PIGK: variants seen among roughly 807,000 people sequenced by gnomAD.
PIGK encodes phosphatidylinositol glycan anchor biosynthesis class K, also known as GPI-anchor transamidase.
A neutral mutation model predicts 50.6 loss-of-function variants in PIGK; 42 were observed. That is an observed-to-expected ratio of 0.83 (90% CI 0.65 to 1.07). PIGK has a LOEUF of 1.07. PIGK is among the 50% of genes least tolerant of loss of function. The pLI is 0.00. For missense variants in PIGK, 448 were observed against 488.7 expected (o/e 0.92, Z 0.78); for synonymous variants, 151 against 156.0 (o/e 0.97, Z 0.24).
At chr1:77,188,611 G>A (rs1168214975) in intron 3 of PIGK, among the ~76,000 whole-genome samples, 7 of 152,070 alleles carry the variant, frequency 4.6e-5, no homozygotes, top group African/African-American at 7.2e-5. Flanking sequence ...ACCCTGTTAA[G>A]TACTTGATGT....
intron 3 of PIGK, among the ~76,000 whole-genome samples, chr1:77,190,612 A>AT (rs1465033665): frequency 1.3e-5 from 2 of 152,232 alleles, no homozygotes; most frequent in African/African-American, 2.4e-5. Context: ...ACTAGAGCAT[A>AT]TAATTTCACC....
chr1:77,172,389 G>A (rs1214863578), intron 3 of PIGK, among the ~76,000 whole-genome samples: 1 of 152,028 alleles, frequency 6.6e-6, no homozygotes, highest in Non-Finnish European at 1.5e-5. Flanking sequence ...ACCTCACTTC[G>A]CTTTTTTTGT....
chr1:77,175,801 T>C (rs1335485898), intron 3 of PIGK, among the ~76,000 whole-genome samples: 1 of 152,176 alleles, frequency 6.6e-6, no homozygotes, highest in Non-Finnish European at 1.5e-5. Context: ...AGGTTTTTCT[T>C]AGAGCACTGA....
chr1:77,162,857 G>A (rs531469547), intron 6 of PIGK, among the ~76,000 whole-genome samples: 6 of 152,264 alleles, frequency 3.9e-5, no homozygotes, highest in African/African-American at 1.4e-4. Flanking sequence ...AGAGGTTGTG[G>A]AGTAAACAAG....
At chr1:77,148,165 A>T (rs1654812806) in intron 9 of PIGK, among the ~76,000 whole-genome samples, 1 of 152,152 alleles carries the variant, frequency 6.6e-6, no homozygotes, top group Admixed American at 6.5e-5. Flanking sequence ...GTTTTTTATG[A>T]TATCTGATCT....
intron 10 of PIGK, among the ~76,000 whole-genome samples, chr1:77,093,284 C>A (rs967556510): frequency 6.6e-6 from 1 of 152,026 alleles, no homozygotes; most frequent in Non-Finnish European, 1.5e-5. Flanking sequence ...TTCCCCACCC[C>A]ACAAGTGTCA....
At chr1:77,172,368 C>T (rs945517248) in intron 3 of PIGK, among the ~76,000 whole-genome samples, 2 of 152,154 alleles carry the variant, frequency 1.3e-5, no homozygotes, top group Non-Finnish European at 2.9e-5. Flanking sequence ...TATCTCACTT[C>T]CAATTTCTGT....
At chr1:77,139,260 C>T (rs1654590226) in intron 9 of PIGK, among the ~76,000 whole-genome samples, 1 of 151,760 alleles carries the variant, frequency 6.6e-6, no homozygotes, top group South Asian at 2.1e-4. Context: ...TACTGTTGAG[C>T]AAAGTGGAGC....
At chr1:77,111,752 T>C (rs570803691) in intron 10 of PIGK, among the ~76,000 whole-genome samples, 23 of 152,240 alleles carry the variant, frequency 1.5e-4, no homozygotes, top group African/African-American at 5.5e-4. Context: ...GAACTTAAAG[T>C]ATAATAATAA....
Position 77,090,108 on chromosome 1 carries a change from A to G in PIGK, c.*2266T>C, listed in dbSNP as rs926167821. 1 of 152,244 alleles carries G rather than the reference A, an allele frequency of 6.6e-6. No individual in the cohort carries two copies. The highest frequency in any genetic ancestry group is 2.4e-5 in the African/African-American group (1 of 41,472). The allele number at this position is 152,244 out of a possible 1,614,324, so 9.4% of individuals were successfully genotyped here. On this transcript the variant is annotated 3_prime_UTR_variant, in exon 11 of 11. Transcript: ENST00000370812. Reference sequence around the variant, plus strand: ...TATATTTACAATTTCAGAAGTGTTTAGTCAAAATACTATCTCATCTGATTC... The same window carrying G: ...TATATTTACAATTTCAGAAGTGTTTGGTCAAAATACTATCTCATCTGATTC...
chr1:77,191,325 T>C (rs2100576080), intron 3 of PIGK, among the ~76,000 whole-genome samples: 1 of 152,324 alleles, frequency 6.6e-6, no homozygotes, highest in East Asian at 1.9e-4. Flanking sequence ...TGTGCAATCT[T>C]TCACATATTC....
intron 2 of PIGK, among the ~76,000 whole-genome samples, chr1:77,209,307 T>C (rs1380631182): frequency 6.6e-6 from 1 of 152,122 alleles, no homozygotes; most frequent in Admixed American, 6.5e-5. Context: ...GTGAATTCTG[T>C]TTGAGGAATT....
At chr1:77,167,002 C>T (rs1393398256) in intron 4 of PIGK, among the ~76,000 whole-genome samples, 172 bp from the exon 5 acceptor site, 3 of 152,090 alleles carry the variant, frequency 2.0e-5, no homozygotes, top group African/African-American at 7.2e-5. Context: ...TTCATTTAAA[C>T]ATATACCTCC....
At chr1:77,140,847 C>T (rs971511217) in intron 9 of PIGK, among the ~76,000 whole-genome samples, 1 of 152,100 alleles carries the variant, frequency 6.6e-6, no homozygotes, top group African/African-American at 2.4e-5. Context: ...TAAGTTAGAG[C>T]TTTCCCTTTA....
At chr1:77,147,321 G>A (rs1286005781) in intron 9 of PIGK, among the ~76,000 whole-genome samples, 1 of 151,960 alleles carries the variant, frequency 6.6e-6, no homozygotes. Flanking sequence ...TTCAAGATGA[G>A]ATTTGGGTGG....
At chr1:77,193,913 G>C (rs1570255077) in intron 3 of PIGK, among the ~76,000 whole-genome samples, 1 of 152,116 alleles carries the variant, frequency 6.6e-6, no homozygotes, top group Non-Finnish European at 1.5e-5. Context: ...TACAGACTGG[G>C]AGAAAATGTC....
At chr1:77,198,611 T>C (rs545767956) in intron 3 of PIGK, among the ~76,000 whole-genome samples, 1 of 152,014 alleles carries the variant, frequency 6.6e-6, no homozygotes, top group East Asian at 1.9e-4. Context: ...CAACAGAAGT[T>C]AGAAAATGTA....
intron 3 of PIGK, among the ~76,000 whole-genome samples, chr1:77,192,551 GA>G (rs1283161512): frequency 2.0e-5 from 3 of 152,012 alleles, no homozygotes; most frequent in Non-Finnish European, 4.4e-5. Context: ...GGGAGTAGAA[GA>G]AAAAATTGGT....
intron 9 of PIGK, among the ~76,000 whole-genome samples, chr1:77,128,025 C>A (rs1451410046): frequency 6.6e-6 from 1 of 152,094 alleles, no homozygotes; most frequent in Non-Finnish European, 1.5e-5. Flanking sequence ...TCAATGGAGA[C>A]AAACACAAAA....
Sources: gnomAD v4.1 joint callset for allele counts (sites outside exome capture counted in the v4.1 genomes callset) on GRCh38, gnomAD v4.1.1 for gene constraint, MANE v1.5 for transcripts, NCBI Gene and HGNC (gene_info 2026-07-23, HGNC 2026-07-21) for gene names.